Variants in SMS observed in about 807,000 individuals in gnomAD.
SMS encodes spermine synthase.
A neutral mutation model predicts 33.0 loss-of-function variants in SMS; 3 were observed. The ratio of observed to expected loss-of-function variants is 0.09; its 90% CI spans 0.04 to 0.23. SMS has a LOEUF of 0.23. SMS is among the 10% of genes least tolerant of loss of function. SMS has a pLI of 1.00. For missense variants in SMS, 117 were observed against 288.6 expected (o/e 0.41, Z 4.31); for synonymous variants, 103 against 112.2 (o/e 0.92, Z 0.52).
chrX:21,940,966 G>A (rs1432612286), intron 1 of SMS, 93 bp downstream of exon 1: 11 of 388,882 alleles, frequency 2.8e-5, no homozygotes, highest in Non-Finnish European at 3.7e-5. Flanking sequence ...TGCGCCGCGG[G>A]CCGAACAATG....
At chrX:21,946,768 T>C (rs1445174476) in intron 1 of SMS, among the ~76,000 whole-genome samples, 1 of 112,077 alleles carries the variant, frequency 8.9e-6, no homozygotes, top group African/African-American at 3.2e-5. Context: ...AAAATGTCCA[T>C]AGTGCCCAGG....
intron 1 of SMS, among the ~76,000 whole-genome samples, chrX:21,949,325 C>A (rs916600292): frequency 8.9e-6 from 1 of 112,215 alleles, no homozygotes; most frequent in Non-Finnish European, 1.9e-5. Context: ...TCAAATGATA[C>A]ATAAAATACC....
At chrX:21,975,520 A>G (rs1265619147) in intron 4 of SMS, among the ~76,000 whole-genome samples, 3 of 111,054 alleles carry the variant, frequency 2.7e-5, no homozygotes, top group Non-Finnish European at 5.7e-5. Context: ...TCGTTCATCC[A>G]ATGCCATGGG....
At chrX:21,943,330 G>T (rs1435837631) in intron 1 of SMS, among the ~76,000 whole-genome samples, 1 of 111,993 alleles carries the variant, frequency 8.9e-6, no homozygotes, top group Non-Finnish European at 1.9e-5. Flanking sequence ...TGAAGAAAAA[G>T]TGAGAGAATT....
rs148441444 is a variant in SMS at position 21,984,405 on chromosome X, G to A, written c.852G>A (p.Thr284=). 6.8e-5 allele frequency: 77 copies of A among 1,140,466 alleles called. No homozygotes were observed. Among genetic ancestry groups the A allele is most frequent in the African/African-American group, 2.7e-4 (15 of 55,956 alleles). 94.0% of individuals were successfully genotyped at this position (1,140,466 alleles called of 1,213,427 possible). ...ATTTGACAGCTGTTCCAATCTCCAC[G>A]TCTCCAGAAGAAGGTAGATTTTTTT... ...INDLTAVPIS[T]SPEEDSTWEF... is the part of the protein sequence containing the mutation. The change falls in exon 8 of 11, where the codon ACG becomes ACA. Residue 284 remains threonine, a synonymous_variant. Coordinates refer to ENST00000404933, the MANE Select transcript of SMS (RefSeq NM_004595.5).
At chrX:21,948,439 CT>C (rs59082770) in intron 1 of SMS, among the ~76,000 whole-genome samples, 137 of 80,121 alleles carry the variant, frequency 1.7e-3, no homozygotes, top group Middle Eastern at 6.8e-3. Context: ...GTCAATGTGT[CT>C]TTTTTTTTTT....
chrX:21,984,534 A>G, intron 8 of SMS, 116 bp downstream of exon 8: 1 of 542,528 alleles, frequency 1.8e-6, no homozygotes, highest in South Asian at 2.5e-5. Context: ...AGGGAGTTAA[A>G]TTGAGGTCCA....
chrX:21,954,665 G>C (rs1013304756), intron 1 of SMS, among the ~76,000 whole-genome samples: 1 of 111,934 alleles, frequency 8.9e-6, no homozygotes, highest in African/African-American at 3.2e-5. Flanking sequence ...TAAAGCCACA[G>C]GAAGGGAAGG....
chrX:21,943,306 G>T (rs962697849), intron 1 of SMS, among the ~76,000 whole-genome samples: 1 of 111,895 alleles, frequency 8.9e-6, no homozygotes, highest in African/African-American at 3.3e-5. Context: ...TTGTTAAAGT[G>T]GGAAAAGAGC....
intron 1 of SMS, 51 bp downstream of exon 1, chrX:21,940,924 C>G: frequency 1.1e-6 from 1 of 889,697 alleles, no homozygotes; most frequent in Non-Finnish European, 1.5e-6. Context: ...CTCCCGCCGC[C>G]TGGCGGGCTG....
intron 1 of SMS, among the ~76,000 whole-genome samples, chrX:21,963,599 G>C (rs755609575): frequency 4.5e-5 from 5 of 111,903 alleles, no homozygotes; most frequent in African/African-American, 1.6e-4. Context: ...TTAGAAAAAG[G>C]GGATGGCCAC....
At chrX:21,977,810 G>T in intron 5 of SMS, 150 bp from the exon 6 acceptor site, 1 of 579,288 alleles carries the variant, frequency 1.7e-6, no homozygotes, top group Admixed American at 2.6e-5. Context: ...GTCCTCAATG[G>T]AAAAAAAGCT....
rs147740254 is a variant in SMS, at chrX:21,967,823, C to T, written c.170+507C>T. On this transcript the variant is annotated intron_variant, in intron 2 of 10. Coordinates refer to ENST00000404933, the MANE Select transcript of SMS (RefSeq NM_004595.5). ...CGGGGACTTTAGCGTAATAGTAAGA[C>T]GGGCAGGATCGCTCACTGGGCTCCT... is the stretch of plus-strand genomic sequence containing the variant. Among the ~76,000 whole-genome samples the T allele has an allele frequency of 1.0e-3, 112 of 112,512 alleles. 4 individuals are homozygous for T. The East Asian group carries it at 0.029, about 30-fold the overall frequency.
At chrX:21,944,539 A>AAAAAAAAAAAAAAAAAAAAG (rs776946474) in intron 1 of SMS, among the ~76,000 whole-genome samples, 984 of 80,800 alleles carry the variant, frequency 0.012, 31 homozygotes, top group Non-Finnish European at 0.016. Context: ...AAAAAAAAAA[A>AAAAAAAAAAAAAAAAAAAAG]AAAAAAGAAA....
intron 2 of SMS, among the ~76,000 whole-genome samples, chrX:21,968,417 G>A (rs780928599): frequency 6.8e-4 from 76 of 112,453 alleles, no homozygotes; most frequent in African/African-American, 2.3e-3. Flanking sequence ...GTGGTTCTAT[G>A]TGGCCAGGAC....
chrX:21,970,176 C>T (rs1924031401), intron 2 of SMS, among the ~76,000 whole-genome samples: 1 of 112,132 alleles, frequency 8.9e-6, no homozygotes, highest in Admixed American at 9.4e-5. Context: ...CTGGTACCCA[C>T]CCCGAGGTGC....
chrX:21,992,192 A>C (rs1366954318), intron 9 of SMS, among the ~76,000 whole-genome samples: 1 of 112,512 alleles, frequency 8.9e-6, no homozygotes, highest in African/African-American at 3.2e-5. Flanking sequence ...AGTTTAAACC[A>C]TTGTGGAAAT....
At chrX:21,946,496 G>A (rs187446646) in intron 1 of SMS, among the ~76,000 whole-genome samples, 1 of 111,942 alleles carries the variant, frequency 8.9e-6, no homozygotes, top group African/African-American at 3.2e-5. Flanking sequence ...AAATAAATAG[G>A]CCTAATCTTG....
chrX:21,978,768 A>T, intron 6 of SMS, 109 bp from the exon 7 acceptor site: 1 of 583,394 alleles, frequency 1.7e-6, no homozygotes, highest in East Asian at 3.3e-5. Context: ...TAAATTTGTG[A>T]TACCCAAGTT....
Sources: gnomAD v4.1 joint callset for allele counts (sites outside exome capture counted in the v4.1 genomes callset) on GRCh38, gnomAD v4.1.1 for gene constraint, MANE v1.5 for transcripts, NCBI Gene and HGNC (gene_info 2026-07-23, HGNC 2026-07-21) for gene names.